Variants in GABRP observed in about 807,000 individuals in gnomAD.
GABRP encodes the protein gamma-aminobutyric acid receptor subunit pi.
GABRP carries 52 observed loss-of-function variants against 47.8 expected under a neutral mutation model. The ratio of observed to expected loss-of-function variants is 1.09; its 90% CI spans 0.87 to 1.37. GABRP has a LOEUF of 1.37. Ranked by LOEUF, GABRP falls within the 40% of genes most tolerant of loss-of-function variation. The pLI is 0.00. For synonymous variants in GABRP, 221 were observed against 205.8 expected (o/e 1.07, Z -0.63); for missense variants, 525 against 542.8 (o/e 0.97, Z 0.33).
chr5:170,799,113 T>A (rs1405909511), intron 6 of GABRP, among the ~76,000 whole-genome samples: 1 of 152,232 alleles, frequency 6.6e-6, no homozygotes, highest in Non-Finnish European at 1.5e-5. Context: ...CATGAACTCA[T>A]CATTTTTTAT....
chr5:170,789,681 A>G (rs1765216921), intron 3 of GABRP, among the ~76,000 whole-genome samples: 1 of 152,040 alleles, frequency 6.6e-6, no homozygotes, highest in African/African-American at 2.4e-5. Flanking sequence ...GTGTCCCAGC[A>G]TGCTCGCGTA....
chr5:170,798,750 A>G (rs1765505742), intron 6 of GABRP, among the ~76,000 whole-genome samples: 1 of 151,924 alleles, frequency 6.6e-6, no homozygotes, highest in Non-Finnish European at 1.5e-5. Context: ...AGGTCTAAAA[A>G]ATCACAAAGA....
chr5:170,805,007 ATT>A (rs1490870209), intron 6 of GABRP, among the ~76,000 whole-genome samples: 4 of 146,892 alleles, frequency 2.7e-5, no homozygotes, highest in Middle Eastern at 3.6e-3. Flanking sequence ...TATTATATAT[ATT>A]ATATATATTA....
intron 1 of GABRP, 54 bp from the exon 2 acceptor site, chr5:170,788,520 G>A (rs984232325): frequency 1.7e-6 from 2 of 1,199,044 alleles, no homozygotes; most frequent in Non-Finnish European, 2.5e-6. Flanking sequence ...GGCTGGCCAG[G>A]AGCAGGTGAG....
intron 1 of GABRP, among the ~76,000 whole-genome samples, chr5:170,786,996 GT>G (rs1020076073): frequency 6.6e-6 from 1 of 152,020 alleles, no homozygotes; most frequent in South Asian, 2.1e-4. Context: ...TTTTTGTTAT[GT>G]TTTTTTAAAT....
chr5:170,785,595 TAGA>T (rs1561804981), intron 1 of GABRP, among the ~76,000 whole-genome samples: 1 of 152,216 alleles, frequency 6.6e-6, no homozygotes, highest in Non-Finnish European at 1.5e-5. Context: ...TGAGACTCCT[TAGA>T]GGAGGCTGAG....
Position 170,795,109 on chromosome 5 carries a change from G to T in GABRP, c.241-99G>T, listed in dbSNP as rs923449230. On this transcript the variant is annotated intron_variant, in intron 4 of 9. Coordinates refer to ENST00000265294, the MANE Select transcript of GABRP (RefSeq NM_014211.3). ...TCTGTGTATTCTTGCTCTAAGTGGA[G>T]GTGGGGAGGGGAGTAAACTTTGACC... The T allele has an allele frequency of 2.0e-5, 16 of 809,070 alleles. No homozygotes were observed. In the Admixed American group the frequency reaches 2.6e-4, roughly 13 times the overall value. 50.1% of individuals were successfully genotyped at this position (809,070 alleles called of 1,614,324 possible).
rs1765914820 is a variant in GABRP, at chr5:170,812,442, C to A, written c.*184C>A. The A allele has an allele frequency of 6.8e-6, 4 of 585,472 alleles. No individual in the cohort carries two copies. The Admixed American group carries it at 9.1e-5, about 13-fold the overall frequency. The allele number at this position is 585,472 out of a possible 1,614,324, so 36.3% of individuals were successfully genotyped here. On this transcript the variant is annotated 3_prime_UTR_variant, in exon 10 of 10. Transcript: ENST00000265294. The stretch of plus-strand genomic sequence containing the variant: ...GTTCTAAGCTGTGTAGAAGTCCTAG[C>A]ATTATAGGATCTTGTAATAGAAACA...
In GABRP at chr5:170,812,676, A is replaced by T. The variant is rs545930403; in HGVS notation, c.*418A>T. On this transcript the variant is annotated 3_prime_UTR_variant, in exon 10 of 10. Coordinates refer to ENST00000265294, the MANE Select transcript of GABRP (RefSeq NM_014211.3). The stretch of plus-strand genomic sequence containing the variant: ...TTTACTAAATCTCTGCAGTGCTTAT[A>T]AAATACATTGTTGCCTATTTAGGGA... 8.6e-5 allele frequency: 14 copies of T among 162,198 alleles called. No individual in the cohort carries two copies. The South Asian group carries it at 2.1e-3, about 24-fold the overall frequency. 10.0% of individuals were successfully genotyped at this position (162,198 alleles called of 1,614,324 possible). A position where few individuals can be genotyped will look rare whatever the true frequency, so the allele number is the denominator to read the frequency against.
rs377582268 is a variant in GABRP at position 170,796,232 on chromosome 5, C to CA, written c.458+809dup. Among the ~76,000 whole-genome samples, 333 of 152,324 alleles carry CA rather than the reference C, an allele frequency of 2.2e-3. 1 individual carries two copies. Among genetic ancestry groups the CA allele is most frequent in the African/African-American group, 7.1e-3 (296 of 41,576 alleles). Reference sequence around the variant, plus strand: ...ATAAACTGAATTTCTGGACATGCCTCAACTGTACTGAGTTTTGCAAAGACC... The same window carrying CA: ...ATAAACTGAATTTCTGGACATGCCTCAAACTGTACTGAGTTTTGCAAAGACC... On this transcript the variant is annotated intron_variant, in intron 5 of 9. Coordinates refer to ENST00000265294, the MANE Select transcript of GABRP (RefSeq NM_014211.3).
At chr5:170,788,549 A>T (rs1418424008) in intron 1 of GABRP, 25 bp from the exon 2 acceptor site, 2 of 1,549,328 alleles carry the variant, frequency 1.3e-6, no homozygotes, top group African/African-American at 2.7e-5. Context: ...ACGGCCTTCC[A>T]CTTACCTTGC....
intron 5 of GABRP, among the ~76,000 whole-genome samples, chr5:170,795,763 G>A (rs1765410606): frequency 6.6e-6 from 1 of 152,170 alleles, no homozygotes; most frequent in South Asian, 2.1e-4. Context: ...TGCTTTCACA[G>A]GATTCTGAGC....
chr5:170,807,416 A>G (rs10076413), intron 7 of GABRP, among the ~76,000 whole-genome samples: 38,340 of 152,064 alleles, frequency 0.25, 5,104 homozygotes, highest in African/African-American at 0.31. Flanking sequence ...TTTCAAAATT[A>G]TGTAATCTCA....
In GABRP at chr5:170,783,822, TCCTGC is replaced by T. The variant is rs1765061940; in HGVS notation, c.-93_-89del. The T allele has an allele frequency of 8.5e-5, 13 of 152,352 alleles. No homozygotes were observed. The highest frequency in any genetic ancestry group is 8.5e-4 in the Admixed American group (13 of 15,284). The allele number at this position is 152,352 out of a possible 1,614,324, so 9.4% of individuals were successfully genotyped here. The stretch of plus-strand genomic sequence containing the variant: ...CAGAAGACCGTGCCTTGCCTGGAAG[TCCTGC>T]CTGTAGGCCTGAAGGACTTGCCCTA... On this transcript the variant is annotated 5_prime_UTR_variant, in exon 1 of 10. An upstream open reading frame in the 5' UTR loses its in-frame stop. Coordinates refer to ENST00000265294, the MANE Select transcript of GABRP (RefSeq NM_014211.3).
At chr5:170,795,846 A>C (rs750825020) in intron 5 of GABRP, among the ~76,000 whole-genome samples, 1 of 152,216 alleles carries the variant, frequency 6.6e-6, no homozygotes, top group African/African-American at 2.4e-5. Flanking sequence ...AGAGAGGTGC[A>C]TGCAAGGAAC....
intron 6 of GABRP, among the ~76,000 whole-genome samples, chr5:170,801,578 C>CT (rs1581601078): frequency 6.6e-6 from 1 of 152,128 alleles, no homozygotes; most frequent in Non-Finnish European, 1.5e-5. Context: ...TAAGGAAAGT[C>CT]TTTTTTCTCA....
chr5:170,798,546 C>T (rs968654263), intron 6 of GABRP, among the ~76,000 whole-genome samples: 6 of 152,092 alleles, frequency 3.9e-5, no homozygotes, highest in Admixed American at 1.3e-4. Flanking sequence ...TTTATGCCAT[C>T]TATCTGATTA....
At chr5:170,794,537 G>A (rs1765370919) in intron 4 of GABRP, 2 of 358,274 alleles carry the variant, frequency 5.6e-6, no homozygotes, top group Admixed American at 4.5e-5. Context: ...TTCCTGAGTA[G>A]CAGGAAGAAA....
At chr5:170,798,202 C>A (rs185678973) in intron 6 of GABRP, among the ~76,000 whole-genome samples, 1 of 152,140 alleles carries the variant, frequency 6.6e-6, no homozygotes, top group Non-Finnish European at 1.5e-5. Flanking sequence ...CCACCACGCC[C>A]GGCTAATTTT....
Sources: allele counts gnomAD v4.1 joint callset (sites outside exome capture counted in the v4.1 genomes callset), GRCh38; gene constraint gnomAD v4.1.1; transcripts MANE v1.5; gene names NCBI Gene and HGNC (gene_info 2026-07-23, HGNC 2026-07-21).